Variants in POTEI observed in about 807,000 individuals in gnomAD.
POTEI encodes POTE ankyrin domain family member I.
POTEI carries 14 observed loss-of-function variants against 43.4 expected under a neutral mutation model. The ratio of observed to expected loss-of-function variants is 0.32; its 90% CI spans 0.21 to 0.50. POTEI has a LOEUF of 0.50. Among genes scored for constraint, POTEI ranks in the 20% least tolerant of loss-of-function variants. The pLI is 0.98. For synonymous variants in POTEI, 95 were observed against 297.9 expected, an observed-to-expected ratio of 0.32 and a Z score of 7.01; for missense variants, 235 against 795.4, an observed-to-expected ratio of 0.30 and a Z score of 8.47.
chr2:130,508,774 T>C lies in POTEI; in HGVS notation c.462A>G (p.Arg154=). Reference sequence around the variant, plus strand: ...CCCTGAGCATGACGATCAGATCCTTTCTGGCGACTTTACCCCACCAGGCAG... The same window carrying C: ...CCCTGAGCATGACGATCAGATCCTTCCTGGCGACTTTACCCCACCAGGCAG... The part of the protein sequence containing the change: ...HRAAWWGKVA[R]KDLIVMLRDT... Residue 154 remains arginine (R), a synonymous_variant, in exon 1 of 15, where the codon AGA becomes AGG. Transcript: ENST00000451531. 1 of 1,428,040 alleles carries C rather than the reference T, an allele frequency of 7.0e-7. No individual in the cohort carries two copies. The highest frequency in any genetic ancestry group is 9.4e-7 in the Non-Finnish European group (1 of 1,068,612). 88.5% of individuals were successfully genotyped at this position (1,428,040 alleles called of 1,614,324 possible).
rs1558895857 is a variant in POTEI, at chr2:130,507,307, TATATATATATACACACACAC to T, written c.521+1388_521+1407del. Among the ~76,000 whole-genome samples, 22 of 12,386 alleles carry T rather than the reference TATATATATATACACACACAC, an allele frequency of 1.8e-3. 1 individual carries two copies. Among genetic ancestry groups the T allele is most frequent in the South Asian group, 0.013 (1 of 76 alleles). The allele number at this position is 12,386 out of a possible 152,430, so 8.1% of individuals were successfully genotyped here. On this transcript the variant is annotated intron_variant, in intron 1 of 14. Coordinates refer to ENST00000451531, the MANE Select transcript of POTEI (RefSeq NM_001277406.2). ...ATATATATATATATATATATATATA[TATATATATATACACACACAC>T]ACACACACACATATATATGTATATA...
At chr2:130,467,841 G>A (rs1281451503) in intron 13 of POTEI, among the ~76,000 whole-genome samples, 6 of 143,480 alleles carry the variant, frequency 4.2e-5, no homozygotes, top group Admixed American at 6.9e-5. Context: ...AGGTACAAAC[G>A]GTAAACAAGC....
In POTEI at chr2:130,483,860, T is replaced by C. The variant is rs572529879; in HGVS notation, c.1410-1787A>G. Among the ~76,000 whole-genome samples the C allele has an allele frequency of 3.8e-4, 58 of 150,790 alleles. No homozygotes were observed. The South Asian group carries it at 0.012, about 31-fold the overall frequency. On this transcript the variant is annotated intron_variant, in intron 9 of 14. Coordinates refer to ENST00000451531, the MANE Select transcript of POTEI (RefSeq NM_001277406.2). ...CCTCCCAAAGTGCTGTGATTACAGG[T>C]GTGAGCCACCATGCCCGACCTACGG...
intron 9 of POTEI, among the ~76,000 whole-genome samples, chr2:130,487,244 A>G (rs1236518671): frequency 5.9e-3 from 258 of 43,666 alleles, no homozygotes; most frequent in African/African-American, 0.016. Flanking sequence ...ATTGGTAATG[A>G]TTTACTTTTG....
intron 1 of POTEI, among the ~76,000 whole-genome samples, chr2:130,507,309 TATATATATACAC>T (rs1271198034): frequency 2.0e-3 from 21 of 10,592 alleles, no homozygotes; most frequent in African/African-American, 2.7e-3. Flanking sequence ...TATATATATA[TATATATATACAC>T]ACACACACAC....
chr2:130,477,709 A>G (rs1683253087), intron 10 of POTEI, among the ~76,000 whole-genome samples: 1 of 134,728 alleles, frequency 7.4e-6, no homozygotes, highest in Admixed American at 7.5e-5. Context: ...AATACATGCT[A>G]GGCATTAGGG....
rs774116850 is a variant in POTEI at position 130,509,187 on chromosome 2, G to C, written c.49C>G (p.Pro17Ala). Residue 17 changes from proline to alanine, a missense_variant, in exon 1 of 15, where the codon CCA (proline) becomes GCA (alanine). Physicochemically the swap from Pro to Ala is conservative, Grantham distance 27. Coordinates refer to ENST00000451531, the MANE Select transcript of POTEI (RefSeq NM_001277406.2). ...SMPAASSVKKPFVLRSKMGKW... is the reference protein window; with the variant it reads ...SMPAASSVKKAFVLRSKMGKW... Reference sequence around the variant, plus strand: ...CCCATCTTGCTCCTGAGAACAAATGGCTTCTTCACAGAAGAGGCAGCCGGC... The same window carrying C: ...CCCATCTTGCTCCTGAGAACAAATGCCTTCTTCACAGAAGAGGCAGCCGGC... 3.2e-5 allele frequency: 48 copies of C among 1,496,254 alleles called. No homozygotes were observed. The South Asian group carries it at 5.7e-4, about 18-fold the overall frequency. The allele number at this position is 1,496,254 out of a possible 1,614,324, so 92.7% of individuals were successfully genotyped here.
At chr2:130,464,734 C>T (rs1163274565) in intron 14 of POTEI, among the ~76,000 whole-genome samples, 1 of 148,180 alleles carries the variant, frequency 6.7e-6, no homozygotes, top group African/African-American at 2.4e-5. Context: ...AAGCACTGTA[C>T]CCTTCTACAC....
intron 6 of POTEI, among the ~76,000 whole-genome samples, chr2:130,495,816 C>T (rs1250006940): frequency 1.3e-4 from 6 of 46,630 alleles, no homozygotes; most frequent in Admixed American, 1.2e-3. Context: ...GGTAGAAGAA[C>T]ACATCTTGTT....
intron 11 of POTEI, among the ~76,000 whole-genome samples, chr2:130,475,230 T>G (rs1174960092): frequency 1.6e-3 from 17 of 10,774 alleles, no homozygotes; most frequent in African/African-American, 3.3e-3. Context: ...ACCAGCAAAC[T>G]TAACTTTCTC....
rs1271489997 is a variant in POTEI at position 130,496,587 on chromosome 2, T to C, written c.1091A>G (p.Gln364Arg). Reference sequence around the variant, plus strand: ...GTTTTCAGAAGAGATTTTTAGCATCTGTTTTTCTTTGTAGTCAGAAAGTAA... The same window carrying C: ...GTTTTCAGAAGAGATTTTTAGCATCCGTTTTTCTTTGTAGTCAGAAAGTAA... ...CQLLSDYKEK[Q>R]MLKISSENSN... The change falls in exon 6 of 15, where the codon CAG becomes CGG. Residue 364 changes from glutamine (Q) to arginine (R), a missense_variant. Coordinates refer to ENST00000451531, the MANE Select transcript of POTEI (RefSeq NM_001277406.2). The C allele has an allele frequency of 1.1e-6, 1 of 913,266 alleles. No individual in the cohort carries two copies. Among genetic ancestry groups the C allele is most frequent in the South Asian group, 1.7e-5 (1 of 59,610 alleles). The allele number at this position is 913,266 out of a possible 1,614,324, so 56.6% of individuals were successfully genotyped here.
At chr2:130,493,658 C>T (rs2105109857) in intron 6 of POTEI, among the ~76,000 whole-genome samples, 1 of 36,392 alleles carries the variant, frequency 2.7e-5, no homozygotes. Context: ...TCCCCCAAGC[C>T]TTTCTCATTC....
At position 130,482,679 on chromosome 2, in the gene POTEI, T is replaced by A. The variant is rs1252984860; in HGVS notation, c.1410-606A>T. Among the ~76,000 whole-genome samples the A allele has an allele frequency of 6.0e-5, 9 of 150,072 alleles. 1 individual carries two copies. The South Asian group carries it at 1.7e-3, about 28-fold the overall frequency. ...TGCTTCTTAGTTGTCCTACTCTTTA[T>A]GGCTTCTAATTCAGGGCATCTCAAC... is the stretch of plus-strand genomic sequence containing the variant. On this transcript the variant is annotated intron_variant, in intron 9 of 14. Transcript: ENST00000451531.
At chr2:130,492,778 T>C (rs1178312075) in intron 6 of POTEI, among the ~76,000 whole-genome samples, 17 of 116,160 alleles carry the variant, frequency 1.5e-4, no homozygotes, top group African/African-American at 5.1e-4. Flanking sequence ...AATACTTGGT[T>C]TGGGAAGGTG....
chr2:130,483,832 C>T (rs191758350), intron 9 of POTEI, among the ~76,000 whole-genome samples: 44 of 149,554 alleles, frequency 2.9e-4, no homozygotes, highest in African/African-American at 5.8e-4. Context: ...CCGCCTGCCT[C>T]GGCCTCCCAA....
chr2:130,483,600 T>TTTTTG (rs1553469022), intron 9 of POTEI, among the ~76,000 whole-genome samples: 24 of 7,490 alleles, frequency 3.2e-3, no homozygotes, highest in Non-Finnish European at 0.014. Context: ...GTCAAACTTG[T>TTTTTG]TTTTTTTTTT....
rs1193464646 is a variant in POTEI at position 130,505,023 on chromosome 2, G to A, written c.522-1129C>T. 4.2e-5 allele frequency among the ~76,000 whole-genome samples: 6 copies of A among 144,412 alleles called. 1 individual carries two copies. The highest frequency in any genetic ancestry group is 7.8e-5 in the African/African-American group (3 of 38,598). 94.7% of individuals were successfully genotyped at this position (144,412 alleles called of 152,430 possible). On this transcript the variant is annotated intron_variant, in intron 1 of 14. Transcript: ENST00000451531. Reference sequence around the variant, plus strand: ...GATTATTTCATTACCCAGGTGTTAAGCCCAGTACCTGTTCATTCTATTTCC... The same window carrying A: ...GATTATTTCATTACCCAGGTGTTAAACCCAGTACCTGTTCATTCTATTTCC...
At chr2:130,483,924 A>C (rs1573924818) in intron 9 of POTEI, among the ~76,000 whole-genome samples, 1 of 150,848 alleles carries the variant, frequency 6.6e-6, no homozygotes, top group East Asian at 2.0e-4. Context: ...AACAATATAC[A>C]CAGGATAAAC....
At chr2:130,496,742 T>C (rs1185951686) in intron 5 of POTEI, 120 bp from the exon 6 acceptor site, 14 of 773,882 alleles carry the variant, frequency 1.8e-5, no homozygotes, top group Admixed American at 2.9e-5. Flanking sequence ...CTTAATAGTA[T>C]TATCCCATCC....
Sources: allele counts gnomAD v4.1 joint callset (sites outside exome capture counted in the v4.1 genomes callset), GRCh38; gene constraint gnomAD v4.1.1; transcripts MANE v1.5; gene names NCBI Gene and HGNC (gene_info 2026-07-23, HGNC 2026-07-21).